The following EPHA7 variants were observed in gnomAD, a reference collection of about 807,000 sequenced individuals.
EPHA7 encodes EPH receptor A7.
A neutral mutation model predicts 112.6 loss-of-function variants in EPHA7; 25 were observed. That is an observed-to-expected ratio of 0.22 (90% CI 0.16 to 0.31). The LOEUF (loss-of-function observed/expected upper bound fraction) is 0.31. EPHA7 is among the 10% of genes least tolerant of loss of function. The pLI is 1.00. For missense variants in EPHA7, 962 were observed against 1,212.6 expected (o/e 0.79, Z 3.07); for synonymous variants, 437 against 406.5 (o/e 1.07, Z -0.90).
chr6:93,308,064 G>C (rs1562085808), intron 5 of EPHA7, among the ~76,000 whole-genome samples: 1 of 152,094 alleles, frequency 6.6e-6, no homozygotes, highest in African/African-American at 2.4e-5. Context: ...CTAGTGTGCA[G>C]AAAAAGCTAA....
At chr6:93,246,569 G>T (rs1400078100) in intron 15 of EPHA7, among the ~76,000 whole-genome samples, 1 of 152,114 alleles carries the variant, frequency 6.6e-6, no homozygotes, top group South Asian at 2.1e-4. Context: ...AGTGATACTT[G>T]TAAGTTTAAA....
chr6:93,269,672 A>G lies in EPHA7; in HGVS notation c.1450-12T>C. The G allele has an allele frequency of 6.7e-7, 1 of 1,495,918 alleles. No individual in the cohort carries two copies. The highest frequency in any genetic ancestry group is 8.9e-7 in the Non-Finnish European group (1 of 1,125,358). 92.7% of individuals were successfully genotyped at this position (1,495,918 alleles called of 1,614,324 possible). On this transcript the variant is annotated splice_polypyrimidine_tract_variant and intron_variant, in intron 6 of 16. Transcript: ENST00000369303. ...CGTTCCCTTTGATCCTAGAAACAAT[A>G]TTTAGAGGAAATATTTAATTGTGAT...
At chr6:93,413,563 T>G (rs1278045587) in intron 2 of EPHA7, among the ~76,000 whole-genome samples, 1 of 151,896 alleles carries the variant, frequency 6.6e-6, no homozygotes, top group African/African-American at 2.4e-5. Context: ...CAGAAACCAC[T>G]TATCTCAAGA....
At chr6:93,358,476 T>C in intron 3 of EPHA7, 65 bp from the exon 4 acceptor site, 10 of 1,382,814 alleles carry the variant, frequency 7.2e-6, no homozygotes, top group Non-Finnish European at 8.8e-6. Flanking sequence ...AAAAAAATTG[T>C]ATTATTTAGC....
chr6:93,317,640 C>A (rs554990248), intron 5 of EPHA7, among the ~76,000 whole-genome samples: 2 of 152,156 alleles, frequency 1.3e-5, no homozygotes, highest in African/African-American at 4.8e-5. Flanking sequence ...ACAACAAGTT[C>A]AGATATTAAC....
chr6:93,245,231 C>T (rs1769893049), intron 16 of EPHA7, 67 bp downstream of exon 16: 4 of 1,381,514 alleles, frequency 2.9e-6, no homozygotes, highest in Middle Eastern at 2.3e-4. Flanking sequence ...AAGAAGATAA[C>T]CTAATGTATA....
chr6:93,383,284 G>C (rs987858757), intron 3 of EPHA7, among the ~76,000 whole-genome samples: 2 of 150,830 alleles, frequency 1.3e-5, no homozygotes, highest in Non-Finnish European at 3.0e-5. Flanking sequence ...GTGTGTGTGT[G>C]TGTGTGTGTG....
At chr6:93,309,660 A>C (rs1283530673) in intron 5 of EPHA7, among the ~76,000 whole-genome samples, 3 of 152,130 alleles carry the variant, frequency 2.0e-5, no homozygotes, top group Non-Finnish European at 4.4e-5. Context: ...TAATTATATA[A>C]GAAAATAAAT....
At chr6:93,331,211 G>A (rs1421467762) in intron 5 of EPHA7, among the ~76,000 whole-genome samples, 1 of 151,400 alleles carries the variant, frequency 6.6e-6, no homozygotes, top group Non-Finnish European at 1.5e-5. Flanking sequence ...GGATATCACT[G>A]TATTTTAAGA....
At chr6:93,334,931 T>C (rs533048947) in intron 5 of EPHA7, among the ~76,000 whole-genome samples, 5 of 152,146 alleles carry the variant, frequency 3.3e-5, no homozygotes, top group South Asian at 4.1e-4. Context: ...TGATTTTTTT[T>C]CCCCAGAAAT....
At chr6:93,411,514 A>G (rs1354551011) in intron 2 of EPHA7, among the ~76,000 whole-genome samples, 2 of 152,174 alleles carry the variant, frequency 1.3e-5, no homozygotes, top group Non-Finnish European at 2.9e-5. Flanking sequence ...TTAAATTATC[A>G]GTGAAAGTAT....
At chr6:93,269,334 AC>A in intron 7 of EPHA7, 142 bp downstream of exon 7, 1 of 590,330 alleles carries the variant, frequency 1.7e-6, no homozygotes, top group Non-Finnish European at 2.6e-6. Flanking sequence ...ATGAACTTTT[AC>A]AAAGTACATT....
chr6:93,419,399 T>G lies in EPHA7; in HGVS notation c.-58A>C. 1 of 1,422,608 alleles carries G rather than the reference T, an allele frequency of 7.0e-7. No homozygotes were observed. Among genetic ancestry groups the G allele is most frequent in the Non-Finnish European group, 9.9e-7 (1 of 1,011,694 alleles). 88.1% of individuals were successfully genotyped at this position (1,422,608 alleles called of 1,614,324 possible). A position where few individuals can be genotyped will look rare whatever the true frequency, so the allele number is the denominator to read the frequency against. On this transcript the variant is annotated 5_prime_UTR_variant, in exon 1 of 17. Transcript: ENST00000369303. ...TTATCTTGAGTCGTGGATTTTTAAA[T>G]GCTGTTTGTTCCGAAGTAGCTTTTG...
intron 3 of EPHA7, among the ~76,000 whole-genome samples, chr6:93,382,716 C>T (rs976881220): frequency 2.0e-5 from 3 of 152,088 alleles, no homozygotes; most frequent in Non-Finnish European, 4.4e-5. Flanking sequence ...TGAGATCCTA[C>T]TCGCTCCATG....
At chr6:93,407,936 C>G (rs886492493) in intron 3 of EPHA7, among the ~76,000 whole-genome samples, 1 of 151,822 alleles carries the variant, frequency 6.6e-6, no homozygotes, top group Non-Finnish European at 1.5e-5. Context: ...GACTGCTTTT[C>G]TTACTAAATT....
intron 5 of EPHA7, among the ~76,000 whole-genome samples, chr6:93,276,608 T>C (rs1771483224): frequency 1.3e-5 from 2 of 152,030 alleles, no homozygotes; most frequent in Admixed American, 1.3e-4. Context: ...TAATCTGTTA[T>C]GGCAGCAATA....
chr6:93,280,041 T>A (rs1336163169), intron 5 of EPHA7, among the ~76,000 whole-genome samples: 2 of 152,176 alleles, frequency 1.3e-5, no homozygotes, highest in Non-Finnish European at 2.9e-5. Context: ...CATGACTGAT[T>A]ATAGTATAAA....
chr6:93,243,602 T>G (rs1769777701), intron 16 of EPHA7, 62 bp from the exon 17 acceptor site: 1 of 1,069,236 alleles, frequency 9.4e-7, no homozygotes, highest in African/African-American at 1.6e-5. Flanking sequence ...GGCACTAAAC[T>G]GTCATCAACT....
chr6:93,403,922 A>G (rs780598067), intron 3 of EPHA7, among the ~76,000 whole-genome samples: 2 of 152,070 alleles, frequency 1.3e-5, no homozygotes, highest in African/African-American at 2.4e-5. Context: ...TGTGAGATAT[A>G]TAATTGTTAA....
Sources: gnomAD v4.1 joint callset for allele counts (sites outside exome capture counted in the v4.1 genomes callset) on GRCh38, gnomAD v4.1.1 for gene constraint, MANE v1.5 for transcripts, NCBI Gene and HGNC (gene_info 2026-07-23, HGNC 2026-07-21) for gene names.